Variants in DLG2 observed in about 807,000 individuals in gnomAD.
DLG2 encodes the protein discs large MAGUK scaffold protein 2, also known as disks large homolog 2.
Under a neutral mutation model 132.5 loss-of-function variants are expected in DLG2, and 45 were observed. The ratio of observed to expected loss-of-function variants is 0.34; its 90% CI spans 0.27 to 0.44. DLG2 has a LOEUF of 0.44. Ranked by LOEUF, DLG2 falls within the 20% of genes least tolerant of loss-of-function variation. The probability of loss-of-function intolerance (pLI) is 1.00; values close to 1 mark genes in which losing one functional copy is unlikely to be tolerated. For synonymous variants in DLG2, 424 were observed against 419.6 expected, an observed-to-expected ratio of 1.01 and a Z score of -0.13; for missense variants, 1,045 against 1,196.9, an observed-to-expected ratio of 0.87 and a Z score of 1.87.
chr11:85,067,856 A>C (rs1420441267), intron 6 of DLG2, among the ~76,000 whole-genome samples: 1 of 152,072 alleles, frequency 6.6e-6, no homozygotes, highest in Admixed American at 6.6e-5. Flanking sequence ...AAAAAAAGAG[A>C]ATTTTGGACC....
At chr11:83,794,406 A>G (rs563509321) in intron 17 of DLG2, among the ~76,000 whole-genome samples, 11 of 149,918 alleles carry the variant, frequency 7.3e-5, no homozygotes, top group Admixed American at 2.7e-4. Context: ...TAAAATACCA[A>G]GTGTGACACA....
rs925602660 is a variant in DLG2 at position 83,573,114 on chromosome 11, T to G, written c.1941-31256A>C. On this transcript the variant is annotated intron_variant, in intron 19 of 27. Transcript: ENST00000376104. Reference sequence around the variant, plus strand: ...ATGTTGGTCTAACCTAATTAATAAATCTTTTGGTTTATTTACTTTAGGAGT... The same window carrying G: ...ATGTTGGTCTAACCTAATTAATAAAGCTTTTGGTTTATTTACTTTAGGAGT... Among the ~76,000 whole-genome samples, 12 of 152,322 alleles carry G rather than the reference T, an allele frequency of 7.9e-5. No individual in the cohort carries two copies. In the East Asian group the frequency reaches 2.3e-3, roughly 29 times the overall value.
At chr11:84,391,332 T>C (rs924685656) in intron 7 of DLG2, among the ~76,000 whole-genome samples, 13 of 152,186 alleles carry the variant, frequency 8.5e-5, no homozygotes, top group Non-Finnish European at 1.5e-4. Context: ...GATTGGATGA[T>C]AAAGAATGTC....
intron 6 of DLG2, among the ~76,000 whole-genome samples, chr11:84,600,676 T>C (rs1418106250): frequency 6.6e-6 from 1 of 152,202 alleles, no homozygotes; most frequent in Non-Finnish European, 1.5e-5. Flanking sequence ...ATAACTGCAG[T>C]ATTTAGTGTC....
intron 6 of DLG2, among the ~76,000 whole-genome samples, chr11:84,578,263 A>G (rs995870158): frequency 6.6e-6 from 1 of 152,136 alleles, no homozygotes; most frequent in African/African-American, 2.4e-5. Flanking sequence ...GGCACTGCCT[A>G]GTGGAGCTGT....
At chr11:83,589,595 T>G (rs1354413287) in intron 19 of DLG2, among the ~76,000 whole-genome samples, 4 of 141,362 alleles carry the variant, frequency 2.8e-5, no homozygotes, top group African/African-American at 7.9e-5. Flanking sequence ...ACGAGCAAAA[T>G]CACCAGCTAA....
At chr11:83,832,913 A>T (rs2054969392) in intron 17 of DLG2, among the ~76,000 whole-genome samples, 1 of 152,192 alleles carries the variant, frequency 6.6e-6, no homozygotes, top group African/African-American at 2.4e-5. Flanking sequence ...CATTTGCACC[A>T]AACTATACAC....
intron 6 of DLG2, among the ~76,000 whole-genome samples, chr11:84,781,749 C>A (rs2071817185): frequency 6.6e-6 from 1 of 152,060 alleles, no homozygotes; most frequent in Non-Finnish European, 1.5e-5. Flanking sequence ...CCAGAGATGT[C>A]ACCCCAAAAT....
chr11:83,536,421 T>G (rs538208749), intron 20 of DLG2, among the ~76,000 whole-genome samples: 1 of 152,302 alleles, frequency 6.6e-6, no homozygotes, highest in East Asian at 1.9e-4. Context: ...ACCTCTTTCC[T>G]TGAGAGGGAG....
rs544948212 is a variant in DLG2, at chr11:83,661,740, T to G, written c.1826-28415A>C. Among the ~76,000 whole-genome samples the G allele has an allele frequency of 4.6e-5, 7 of 152,156 alleles. No individual in the cohort carries two copies. In the East Asian group the frequency reaches 1.4e-3, roughly 30 times the overall value. On this transcript the variant is annotated intron_variant, in intron 18 of 27. Coordinates refer to ENST00000376104, the MANE Select transcript of DLG2 (RefSeq NM_001142699.3). ...TTTTACCCTGGACTCCAAAGGGCAC[T>G]GCAAGGCTCCCTCAATGCTGGATTC...
chr11:84,579,003 T>A (rs554920219), intron 6 of DLG2, among the ~76,000 whole-genome samples: 34 of 152,290 alleles, frequency 2.2e-4, no homozygotes, highest in African/African-American at 8.2e-4. Context: ...ATTTCCACTT[T>A]TACTTCTTTC....
At chr11:84,592,453 C>T (rs1026174930) in intron 6 of DLG2, among the ~76,000 whole-genome samples, 11 of 151,926 alleles carry the variant, frequency 7.2e-5, no homozygotes, top group African/African-American at 2.2e-4. Context: ...CAACAAAAAC[C>T]GAAATTGACA....
intron 17 of DLG2, among the ~76,000 whole-genome samples, chr11:83,830,516 T>C (rs924276619): frequency 4.6e-5 from 7 of 152,212 alleles, no homozygotes; most frequent in African/African-American, 1.4e-4. Context: ...TAACAAGGCA[T>C]AGTGTTGTTG....
At chr11:83,775,888 C>G (rs551601500) in intron 18 of DLG2, among the ~76,000 whole-genome samples, 5 of 152,074 alleles carry the variant, frequency 3.3e-5, no homozygotes, top group Admixed American at 6.5e-5. Context: ...ATCAGGAGAT[C>G]GAGACCATCC....
chr11:84,477,265 T>C (rs1467771180), intron 7 of DLG2, among the ~76,000 whole-genome samples: 1 of 151,938 alleles, frequency 6.6e-6, no homozygotes, highest in South Asian at 2.1e-4. Flanking sequence ...GAGGCTGAAG[T>C]GGGTGGATAA....
intron 6 of DLG2, among the ~76,000 whole-genome samples, chr11:85,037,377 G>A (rs1025043801): frequency 2.0e-5 from 3 of 152,088 alleles, no homozygotes; most frequent in Non-Finnish European, 4.4e-5. Context: ...TCCTTTATAA[G>A]TTGAGGATTA....
intron 18 of DLG2, among the ~76,000 whole-genome samples, chr11:83,779,364 C>A (rs188312661): frequency 2.8e-4 from 42 of 152,254 alleles, no homozygotes; most frequent in African/African-American, 8.7e-4. Context: ...CCTACACTTA[C>A]AATAATGCTG....
chr11:84,362,106 G>T (rs1600639771), intron 7 of DLG2, among the ~76,000 whole-genome samples: 3 of 151,844 alleles, frequency 2.0e-5, no homozygotes, highest in Non-Finnish European at 2.9e-5. Flanking sequence ...GAGATTGATG[G>T]ATTGAATAAA....
chr11:84,476,206 C>A (rs2099121261), intron 7 of DLG2, among the ~76,000 whole-genome samples: 1 of 152,126 alleles, frequency 6.6e-6, no homozygotes, highest in African/African-American at 2.4e-5. Context: ...AGCAGTTCAA[C>A]TCACATCTAT....
Sources: gnomAD v4.1 joint callset for allele counts (sites outside exome capture counted in the v4.1 genomes callset) on GRCh38, gnomAD v4.1.1 for gene constraint, MANE v1.5 for transcripts, NCBI Gene and HGNC (gene_info 2026-07-23, HGNC 2026-07-21) for gene names.